Variants in MINDY4B observed in about 807,000 individuals in gnomAD.
MINDY4B encodes inactive ubiquitin carboxyl-terminal hydrolase MINDY-4B.
A neutral mutation model predicts 16.7 loss-of-function variants in MINDY4B; 25 were observed. The ratio of observed to expected loss-of-function variants is 1.49; its 90% CI spans 1.09 to 2.09. MINDY4B has a LOEUF of 2.09. Ranked by LOEUF, MINDY4B falls within the 30% of genes most tolerant of loss-of-function variation. MINDY4B has a pLI of 0.00. For synonymous variants in MINDY4B, 132 were observed against 61.9 expected, an observed-to-expected ratio of 2.13 and a Z score of -5.32; for missense variants, 327 against 168.4, an observed-to-expected ratio of 1.94 and a Z score of -5.21.
chr3:150,901,853 C>G (rs1157989267), intron 3 of MINDY4B, among the ~76,000 whole-genome samples: 1 of 152,062 alleles, frequency 6.6e-6, no homozygotes, highest in Non-Finnish European at 1.5e-5. Context: ...CGAGAAAGAG[C>G]AAGTGAGGCC....
intron 3 of MINDY4B, among the ~76,000 whole-genome samples, chr3:150,898,143 C>A (rs1712024897): frequency 6.6e-6 from 1 of 152,166 alleles, no homozygotes; most frequent in Non-Finnish European, 1.5e-5. Flanking sequence ...ACCATAAGTG[C>A]TAAGTAAATG....
chr3:150,877,456 A>T (rs1711498487), intron 10 of MINDY4B, among the ~76,000 whole-genome samples: 2 of 152,184 alleles, frequency 1.3e-5, no homozygotes, highest in Non-Finnish European at 2.9e-5. Context: ...CCAGAAGCAC[A>T]TCATGTTCTT....
intron 8 of MINDY4B, among the ~76,000 whole-genome samples, 152 bp from the exon 9 acceptor site, chr3:150,883,924 C>T (rs1023866715): frequency 6.6e-6 from 1 of 152,208 alleles, no homozygotes; most frequent in Non-Finnish European, 1.5e-5. Flanking sequence ...CAGGGAAAGC[C>T]TCTAGATCTG....
In MINDY4B at chr3:150,891,077, TG is replaced by T. The variant is rs1417336934; in HGVS notation, c.547del (p.Gln183ArgfsTer54). On this transcript the variant is annotated frameshift_variant, in exon 6 of 12. Coordinates refer to ENST00000465419, the MANE Select transcript of MINDY4B (RefSeq NM_001351281.2). LOFTEE classifies it high-confidence loss of function. ...GNLCEISKKE[Q>X]EQALAAALAG... is the part of the protein sequence containing the mutation. ...AAGCGCCGCGGCCAAGGCTTGCTCC[TG>T]CTCCTTCTTGCTTATTTCACATAAG... 1 of 702,662 alleles carries T rather than the reference TG, an allele frequency of 1.4e-6. No homozygotes were observed. Among genetic ancestry groups the T allele is most frequent in the Non-Finnish European group, 2.6e-6 (1 of 384,680 alleles). The allele number at this position is 702,662 out of a possible 1,614,324, so 43.5% of individuals were successfully genotyped here.
chr3:150,894,316 G>T lies in MINDY4B; in HGVS notation c.310-11C>A, dbSNP rs1369279842. 1 of 685,110 alleles carries T rather than the reference G, an allele frequency of 1.5e-6. No individual in the cohort carries two copies. The highest frequency in any genetic ancestry group is 2.6e-6 in the Non-Finnish European group (1 of 380,036). 42.4% of individuals were successfully genotyped at this position (685,110 alleles called of 1,614,324 possible). A position where few individuals can be genotyped will look rare whatever the true frequency, so the allele number is the denominator to read the frequency against. On this transcript the variant is annotated splice_polypyrimidine_tract_variant and intron_variant, in intron 3 of 11. Transcript: ENST00000465419. Reference sequence around the variant, plus strand: ...GATCTGCCGCAGCTTCTGAAAAGAGGGGAAAGAAATGATTCAACAAAAGAG... The same window carrying T: ...GATCTGCCGCAGCTTCTGAAAAGAGTGGAAAGAAATGATTCAACAAAAGAG...
chr3:150,877,310 A>G (rs1199509872), intron 10 of MINDY4B, among the ~76,000 whole-genome samples: 1 of 152,128 alleles, frequency 6.6e-6, no homozygotes, highest in Non-Finnish European at 1.5e-5. Context: ...TGTTGCACCT[A>G]CCATAGGCAG....
At chr3:150,876,682 A>G (rs1711497425) in intron 10 of MINDY4B, among the ~76,000 whole-genome samples, 1 of 152,158 alleles carries the variant, frequency 6.6e-6, no homozygotes, top group Non-Finnish European at 1.5e-5. Context: ...CTAAAGGGAA[A>G]ACGTAAAGGG....
At chr3:150,896,789 G>A (rs1379443708) in intron 3 of MINDY4B, among the ~76,000 whole-genome samples, 1 of 152,070 alleles carries the variant, frequency 6.6e-6, no homozygotes, top group African/African-American at 2.4e-5. Context: ...GTGGCAGGGG[G>A]GTGAAATCTA....
intron 7 of MINDY4B, among the ~76,000 whole-genome samples, chr3:150,888,635 A>C (rs1711692132): frequency 6.6e-6 from 1 of 152,036 alleles, no homozygotes; most frequent in Admixed American, 6.6e-5. Context: ...ATATATATAC[A>C]CCATCAAGCT....
At chr3:150,885,279 C>T in intron 8 of MINDY4B, 89 bp downstream of exon 8, 1 of 652,846 alleles carries the variant, frequency 1.5e-6, no homozygotes, top group Non-Finnish European at 2.8e-6. Context: ...TTCATGTTTC[C>T]AATATGGAGA....
At chr3:150,889,563 G>A (rs2107904046) in intron 7 of MINDY4B, among the ~76,000 whole-genome samples, 1 of 152,286 alleles carries the variant, frequency 6.6e-6, no homozygotes, top group East Asian at 1.9e-4. Flanking sequence ...ATAGAGTTTG[G>A]ACTTCTTTAG....
chr3:150,881,062 C>T (rs953834042), intron 10 of MINDY4B, among the ~76,000 whole-genome samples: 12 of 152,174 alleles, frequency 7.9e-5, no homozygotes, highest in Admixed American at 6.6e-4. Context: ...TCTTTCACAT[C>T]CACACAATAG....
intron 6 of MINDY4B, chr3:150,890,633 A>G (rs939633636): frequency 2.6e-4 from 130 of 491,222 alleles, no homozygotes; most frequent in African/African-American, 2.2e-3. Context: ...AACTAGAAAG[A>G]GATTTTTTCC....
At chr3:150,889,675 T>C (rs1254353752) in intron 7 of MINDY4B, among the ~76,000 whole-genome samples, 2 of 152,230 alleles carry the variant, frequency 1.3e-5, no homozygotes, top group African/African-American at 4.8e-5. Flanking sequence ...AATGAACAGT[T>C]GTATCACTTC....
At chr3:150,888,893 A>G (rs1711697722) in intron 7 of MINDY4B, among the ~76,000 whole-genome samples, 1 of 152,140 alleles carries the variant, frequency 6.6e-6, no homozygotes, top group Non-Finnish European at 1.5e-5. Flanking sequence ...TTCCTATGGC[A>G]TAAGACTCTC....
At chr3:150,872,724 G>A (rs78668933) in intron 11 of MINDY4B, among the ~76,000 whole-genome samples, 2,640 of 152,232 alleles carry the variant, frequency 0.017, 82 homozygotes, top group African/African-American at 0.06. Context: ...TCAAAAATGC[G>A]TTTTGTGCTC....
In MINDY4B at chr3:150,885,393, G is replaced by A. The variant is rs940640925; in HGVS notation, c.799C>T (p.Leu267=). Residue 267 remains leucine, a synonymous_variant, in exon 8 of 12, where the codon CTG becomes TTG. Coordinates refer to ENST00000465419, the MANE Select transcript of MINDY4B (RefSeq NM_001351281.2). ...CTTTCAAATGTTCTAGAGAAGATCAGGCTGTACAGAAACAGGATGACACCA... is the reference window on the plus strand; with the variant it reads ...CTTTCAAATGTTCTAGAGAAGATCAAGCTGTACAGAAACAGGATGACACCA... ...SHGVILFLYS[L]IFSRTFERLQ... The A allele has an allele frequency of 1.4e-6, 1 of 702,638 alleles. No homozygotes were observed. The highest frequency in any genetic ancestry group is 1.7e-5 in the African/African-American group (1 of 57,232). 43.5% of individuals were successfully genotyped at this position (702,638 alleles called of 1,614,324 possible). A position where few individuals can be genotyped will look rare whatever the true frequency, so the allele number is the denominator to read the frequency against.
At chr3:150,898,138 A>G (rs73871617) in intron 3 of MINDY4B, among the ~76,000 whole-genome samples, 9,036 of 152,258 alleles carry the variant, frequency 0.059, 411 homozygotes, top group African/African-American at 0.13. Flanking sequence ...TGGGAACCAT[A>G]AGTGCTAAGT....
At chr3:150,894,434 C>G in intron 3 of MINDY4B, 129 bp from the exon 4 acceptor site, 1 of 546,746 alleles carries the variant, frequency 1.8e-6, no homozygotes, top group Non-Finnish European at 3.2e-6. Flanking sequence ...ACATATTACT[C>G]TAGTCCCTGA....
Sources: gnomAD v4.1 joint callset for allele counts (sites outside exome capture counted in the v4.1 genomes callset) on GRCh38, gnomAD v4.1.1 for gene constraint, MANE v1.5 for transcripts, NCBI Gene and HGNC (gene_info 2026-07-23, HGNC 2026-07-21) for gene names.